Variants in CELF6 observed in about 807,000 individuals in gnomAD.
The protein encoded by CELF6 is Bruno -like 6, RNA binding protein.
A neutral mutation model predicts 53.1 loss-of-function variants in CELF6; 32 were observed. The observed-to-expected ratio is 0.60, with a 90% CI of 0.46 to 0.81. The LOEUF (loss-of-function observed/expected upper bound fraction) is 0.81, where lower values mean the gene tolerates loss of function less well. Among genes scored for constraint, CELF6 ranks in the 30% least tolerant of loss-of-function variants. The pLI is 0.00. For synonymous variants in CELF6, 291 were observed against 288.8 expected (o/e 1.01, Z -0.08); for missense variants, 539 against 669.5 (o/e 0.81, Z 2.15).
chr15:72,292,481 A>G (rs1311462423), intron 3 of CELF6, among the ~76,000 whole-genome samples: 1 of 152,216 alleles, frequency 6.6e-6, no homozygotes, highest in Non-Finnish European at 1.5e-5. Context: ...CCTAATTTGT[A>G]GTGGAGCTGT....
chr15:72,315,990 AC>A, intron 1 of CELF6, 63 bp from the exon 2 acceptor site: 1 of 1,138,664 alleles, frequency 8.8e-7, no homozygotes, highest in Non-Finnish European at 1.3e-6. Context: ...TCTTCGAAAT[AC>A]CCCACTAAGT....
rs1330938828 is a variant in CELF6, at chr15:72,288,789, G to A, written c.1093+79C>T. The A allele has an allele frequency of 1.2e-5, 17 of 1,424,590 alleles. No homozygotes were observed. In the South Asian group the frequency reaches 1.8e-4, roughly 15 times the overall value. The allele number at this position is 1,424,590 out of a possible 1,614,324, so 88.2% of individuals were successfully genotyped here. A position where few individuals can be genotyped will look rare whatever the true frequency, so the allele number is the denominator to read the frequency against. Reference sequence around the variant, plus strand: ...GGGAGGATCAACTCCTTGGAACAGAGCCTAAATCCCCCACAACTCTCCCTA... The same window carrying A: ...GGGAGGATCAACTCCTTGGAACAGAACCTAAATCCCCCACAACTCTCCCTA... On this transcript the variant is annotated intron_variant, in intron 9 of 12. Transcript: ENST00000287202. The surrounding 1 kb of genome is among the most constrained non-coding windows in gnomAD (Gnocchi z 4.6).
In CELF6 at chr15:72,289,207, G is replaced by C; in HGVS notation, c.961C>G (p.Leu321Val). 2 of 1,570,736 alleles carry C rather than the reference G, an allele frequency of 1.3e-6. No individual in the cohort carries two copies. Among genetic ancestry groups the C allele is most frequent in the East Asian group, 2.3e-5 (1 of 44,112 alleles). Residue 321 changes from leucine to valine, a missense_variant, in exon 8 of 13, where the codon CTG (leucine) becomes GTG (valine). Transcript: ENST00000287202. The surrounding 1 kb of genome is among the most constrained non-coding windows in gnomAD (Gnocchi z 7.6). Reference sequence around the variant, plus strand: ...GGCTGGCCATTGGTCTGGGGGGTCAGAGGGCCGAATCCATTGACCCCGATG... The same window carrying C: ...GGCTGGCCATTGGTCTGGGGGGTCACAGGGCCGAATCCATTGACCCCGATG... Reference protein sequence around the residue: ...APIGVNGFGPLTPQTNGQPGS... With the variant: ...APIGVNGFGPVTPQTNGQPGS...
intron 2 of CELF6, chr15:72,313,821 A>AT: frequency 1.8e-5 from 14 of 779,708 alleles, no homozygotes; most frequent in Non-Finnish European, 2.0e-5. Context: ...TGCTGTTACT[A>AT]TTACTGTTAC....
In CELF6 at chr15:72,289,968, G is replaced by A. The variant is rs1158079530; in HGVS notation, c.574C>T (p.Arg192Trp). 5 of 1,582,798 alleles carry A rather than the reference G, an allele frequency of 3.2e-6. No individual in the cohort carries two copies. The highest frequency in any genetic ancestry group is 3.4e-6 in the Non-Finnish European group (4 of 1,165,116). The change falls in exon 5 of 13, where the codon CGG (arginine) becomes TGG (tryptophan). Residue 192 changes from arginine (R) to tryptophan (W), a missense_variant. This residue lies in a region of CELF6 where 358 missense variants were observed against 412.8 expected (regional missense o/e 0.87). Transcript: ENST00000287202. The surrounding 1 kb of genome is among the most constrained non-coding windows in gnomAD (Gnocchi z 7.6). Reference sequence around the variant, plus strand: ...ATGGTCCGGCTGCCGTGCAGACCCCGGATGGCCGCCTGAGCTTCCCCTTGA... The same window carrying A: ...ATGGTCCGGCTGCCGTGCAGACCCCAGATGGCCGCCTGAGCTTCCCCTTGA... ...GSQGEAQAAI[R>W]GLHGSRTMAG...
rs1009593753 is a variant in CELF6 at position 72,320,104 on chromosome 15, T to C, written c.-230A>G. The C allele has an allele frequency of 9.2e-6, 6 of 650,594 alleles. No individual in the cohort carries two copies. Among genetic ancestry groups the C allele is most frequent in the African/African-American group, 1.8e-5 (1 of 55,076 alleles). 40.3% of individuals were successfully genotyped at this position (650,594 alleles called of 1,614,324 possible). Reference sequence around the variant, plus strand: ...CCGGGCCGAGGTGGCGGCTGAACGCTGGGGTCTGGCTTGAGGTCCCCGTGC... The same window carrying C: ...CCGGGCCGAGGTGGCGGCTGAACGCCGGGGTCTGGCTTGAGGTCCCCGTGC... On this transcript the variant is annotated 5_prime_UTR_variant, in exon 1 of 13. Transcript: ENST00000287202.
At chr15:72,301,817 A>C (rs372335807) in intron 3 of CELF6, among the ~76,000 whole-genome samples, 27 of 150,656 alleles carry the variant, frequency 1.8e-4, no homozygotes, top group African/African-American at 6.6e-4. Context: ...GCTCACTGCA[A>C]GCTCCGCCTG....
In CELF6 at chr15:72,319,940, G is replaced by T. The variant is rs2088408105; in HGVS notation, c.-66C>A. On this transcript the variant is annotated 5_prime_UTR_variant, in exon 1 of 13. Coordinates refer to ENST00000287202, the MANE Select transcript of CELF6 (RefSeq NM_052840.5). This position sits in a 1 kb window ranked among gnomAD's most constrained non-coding sequence, Gnocchi z 5.0. ...CGCCTGTCCCGCCGTCCCCTCCCTG[G>T]ACCGGTGGCGAGGGCCAGGGGGAGG... 3 of 1,391,148 alleles carry T rather than the reference G, an allele frequency of 2.2e-6. No homozygotes were observed. Among genetic ancestry groups the T allele is most frequent in the Non-Finnish European group, 2.8e-6 (3 of 1,081,462 alleles). 86.2% of individuals were successfully genotyped at this position (1,391,148 alleles called of 1,614,324 possible).
chr15:72,286,409 A>G (rs545871690), intron 12 of CELF6, 67 bp from the exon 13 acceptor site: 3 of 152,816 alleles, frequency 2.0e-5, no homozygotes, highest in Admixed American at 2.0e-4. Flanking sequence ...TTGGAGGGCA[A>G]GACCAGAAGA....
In CELF6 at chr15:72,320,079, C is replaced by A; in HGVS notation, c.-205G>T. 3.1e-6 allele frequency: 2 copies of A among 651,088 alleles called. No homozygotes were observed. The highest frequency in any genetic ancestry group is 5.6e-6 in the Non-Finnish European group (2 of 355,974). 40.3% of individuals were successfully genotyped at this position (651,088 alleles called of 1,614,324 possible). ...GGGGCGGGGCCGGGGCGGGGCGGGC[C>A]CGGGCCGAGGTGGCGGCTGAACGCT... On this transcript the variant is annotated 5_prime_UTR_variant, in exon 1 of 13. Transcript: ENST00000287202.
At chr15:72,294,871 G>A (rs922142818) in intron 3 of CELF6, among the ~76,000 whole-genome samples, 3 of 150,236 alleles carry the variant, frequency 2.0e-5, no homozygotes, top group African/African-American at 4.9e-5. Context: ...CCAGCTACTC[G>A]CAAGGCTGAG....
intron 2 of CELF6, among the ~76,000 whole-genome samples, chr15:72,314,589 GTTTTTTTTT>G (rs984879836): frequency 2.0e-5 from 2 of 97,858 alleles, no homozygotes; most frequent in African/African-American, 4.8e-5. Context: ...AAAACCCAGT[GTTTTTTTTT>G]TTTTTTTTTT....
At chr15:72,310,314 A>AC (rs1212411717) in intron 2 of CELF6, among the ~76,000 whole-genome samples, 1 of 151,310 alleles carries the variant, frequency 6.6e-6, no homozygotes, top group Non-Finnish European at 1.5e-5. Flanking sequence ...GTTTTACCTC[A>AC]CCCCCCTCCT....
At chr15:72,310,497 T>C (rs28408413) in intron 2 of CELF6, among the ~76,000 whole-genome samples, 5,084 of 151,742 alleles carry the variant, frequency 0.034, 259 homozygotes, top group African/African-American at 0.099. Flanking sequence ...CAGCCTGCAG[T>C]GTTGCTTCCT....
At position 72,290,169 on chromosome 15, in the gene CELF6, C is replaced by T. The variant is rs765191400; in HGVS notation, c.481G>A (p.Glu161Lys). Residue 161 changes from glutamate to lysine, a missense_variant, in exon 4 of 13, where the codon GAG (glutamate) becomes AAG (lysine). Glu to Lys is a moderately conservative substitution (Grantham distance 56). Around this residue, in one of 3 missense-constraint regions of CELF6, gnomAD observed 97 missense variants for 168.8 expected, o/e 0.57. Transcript: ENST00000287202. ...RRLFQPFGHI[E>K]ECTVLRSPDG... is the part of the protein sequence containing the mutation. ...GGACTCCGCAGGACCGTGCACTCCT[C>T]GATGTGGCCAAAGGGCTGGAACAGG... is the stretch of plus-strand genomic sequence containing the variant. The T allele has an allele frequency of 5.6e-6, 9 of 1,613,908 alleles. No homozygotes were observed. In the African/African-American group the frequency reaches 9.3e-5, roughly 17 times the overall value.
chr15:72,306,307 G>T, intron 2 of CELF6: 1 of 985,218 alleles, frequency 1.0e-6, no homozygotes, highest in Non-Finnish European at 1.2e-6. Context: ...TGGAGGAAGG[G>T]GTACTGATGC....
At chr15:72,304,879 G>T in intron 2 of CELF6, 85 bp from the exon 3 acceptor site, 1 of 1,238,606 alleles carries the variant, frequency 8.1e-7, no homozygotes, top group Non-Finnish European at 1.2e-6. Context: ...GACTCCTCAG[G>T]ATCTGAGCCC....
chr15:72,288,458 G>A lies in CELF6; in HGVS notation c.1175-7C>T, dbSNP rs185544168. ...AGGTTACAGCCTTCGGGGCCTGGAG[G>A]AACAGTAGCAAGCTGGTTCAGGGGA... On this transcript the variant is annotated splice_polypyrimidine_tract_variant and splice_region_variant and intron_variant, in intron 10 of 12. Coordinates refer to ENST00000287202, the MANE Select transcript of CELF6 (RefSeq NM_052840.5). This position sits in a 1 kb window ranked among gnomAD's most constrained non-coding sequence, Gnocchi z 4.6. 2.2e-3 allele frequency: 3,580 copies of A among 1,614,180 alleles called. 10 individuals are homozygous for A. The highest frequency in any genetic ancestry group is 2.5e-3 in the Non-Finnish European group (2,988 of 1,180,034).
Position 72,319,989 on chromosome 15 carries a change from CG to C in CELF6, c.-116del, listed in dbSNP as rs1383153664. On this transcript the variant is annotated 5_prime_UTR_variant, in exon 1 of 13. Coordinates refer to ENST00000287202, the MANE Select transcript of CELF6 (RefSeq NM_052840.5). The surrounding 1 kb of genome is among the most constrained non-coding windows in gnomAD (Gnocchi z 5.0). ...GGGGGCGGAGCCCGGGCGGAGAGGG[CG>C]GGGGGCTGCCCAGGGGGCGGGGTCC... 1.2e-6 allele frequency: 1 copy of C among 838,790 alleles called. No homozygotes were observed. The highest frequency in any genetic ancestry group is 5.1e-4 in the Middle Eastern group (1 of 1,946). 52.0% of individuals were successfully genotyped at this position (838,790 alleles called of 1,614,324 possible).
Sources: gnomAD v4.1 joint callset for allele counts (sites outside exome capture counted in the v4.1 genomes callset) on GRCh38, gnomAD v4.1.1 for gene constraint, gnomAD v4.1.1 regional missense constraint, Gnocchi (gnomAD v3.1) non-coding constraint, MANE v1.5 for transcripts, NCBI Gene and HGNC (gene_info 2026-07-23, HGNC 2026-07-21) for gene names.